Variants in ABCC4 observed in about 807,000 individuals in gnomAD.
ABCC4 encodes ATP-binding cassette sub-family C member 4.
ABCC4 carries 102 observed loss-of-function variants against 168.5 expected under a neutral mutation model. The ratio of observed to expected loss-of-function variants is 0.61; its 90% CI spans 0.52 to 0.71. ABCC4 has a LOEUF of 0.71. Ranked by LOEUF, ABCC4 falls within the 30% of genes least tolerant of loss-of-function variation. ABCC4 has a pLI of 0.00. For missense variants in ABCC4, 1,402 were observed against 1,605.8 expected (o/e 0.87, Z 2.17); for synonymous variants, 617 against 590.7 (o/e 1.04, Z -0.65).
At chr13:95,281,675 G>A (rs988146552) in intron 1 of ABCC4, among the ~76,000 whole-genome samples, 3 of 152,118 alleles carry the variant, frequency 2.0e-5, no homozygotes, top group Non-Finnish European at 4.4e-5. Context: ...ACTCCTTGGC[G>A]AGTTCAGTCT....
chr13:95,025,987 T>A (rs1469730691), intron 30 of ABCC4, among the ~76,000 whole-genome samples: 3 of 151,518 alleles, frequency 2.0e-5, no homozygotes. Context: ...GAGGCTGAGG[T>A]GGGAGGATCA....
chr13:95,180,449 A>G (rs2037854137), intron 11 of ABCC4, among the ~76,000 whole-genome samples: 1 of 152,098 alleles, frequency 6.6e-6, no homozygotes, highest in African/African-American at 2.4e-5. Context: ...GCTACTTGAG[A>G]GGCTAAGGCA....
rs192900852 is a variant in ABCC4, at chr13:95,136,695, C to T, written c.2456-20694G>A. Among the ~76,000 whole-genome samples the T allele has an allele frequency of 5.3e-3, 808 of 152,310 alleles. 5 individuals are homozygous for T. The highest frequency in any genetic ancestry group is 0.012 in the Admixed American group (178 of 15,302). On this transcript the variant is annotated intron_variant, in intron 19 of 30. Coordinates refer to ENST00000645237, the MANE Select transcript of ABCC4 (RefSeq NM_005845.5). ...AATTCCACAGCCACACATCAATTCT[C>T]CTAGTTTGAGTGGAACTCCTTTCTA...
At chr13:95,109,371 G>C (rs1444352332) in intron 20 of ABCC4, among the ~76,000 whole-genome samples, 2 of 143,734 alleles carry the variant, frequency 1.4e-5, no homozygotes, top group Non-Finnish European at 3.0e-5. Flanking sequence ...GTACATTTGA[G>C]GGTGAGCCAC....
chr13:95,274,817 C>T (rs1324361416), intron 1 of ABCC4, among the ~76,000 whole-genome samples: 5 of 152,336 alleles, frequency 3.3e-5, no homozygotes, highest in African/African-American at 4.8e-5. Context: ...TGGCTTATGC[C>T]TGTAATCCCA....
intron 20 of ABCC4, among the ~76,000 whole-genome samples, chr13:95,087,533 G>C (rs2034297925): frequency 6.6e-6 from 1 of 152,144 alleles, no homozygotes. Context: ...TAACATAACA[G>C]GTTGTGCTCC....
At chr13:95,146,393 G>A (rs571989731) in intron 19 of ABCC4, among the ~76,000 whole-genome samples, 10 of 152,126 alleles carry the variant, frequency 6.6e-5, no homozygotes, top group East Asian at 1.9e-4. Flanking sequence ...CATATGTACC[G>A]TCTGAACCAA....
At chr13:95,122,756 G>C (rs1233011026) in intron 19 of ABCC4, among the ~76,000 whole-genome samples, 3 of 152,100 alleles carry the variant, frequency 2.0e-5, no homozygotes, top group African/African-American at 7.2e-5. Flanking sequence ...TCAGGAACCT[G>C]CCACTAATGC....
At chr13:95,124,562 T>TA (rs55651091) in intron 19 of ABCC4, among the ~76,000 whole-genome samples, 21 of 121,884 alleles carry the variant, frequency 1.7e-4, no homozygotes, top group Non-Finnish European at 3.0e-4. Context: ...CCCCCTTTCT[T>TA]AAAAAAAAAA....
intron 4 of ABCC4, among the ~76,000 whole-genome samples, chr13:95,225,146 C>CTA (rs2039422113): frequency 3.1e-5 from 2 of 64,220 alleles, no homozygotes; most frequent in African/African-American, 1.7e-4. Context: ...GTCTGTCTCT[C>CTA]TCTCTCTCAC....
intron 1 of ABCC4, among the ~76,000 whole-genome samples, chr13:95,258,156 T>C (rs1469831178): frequency 6.6e-6 from 1 of 152,200 alleles, no homozygotes; most frequent in Non-Finnish European, 1.5e-5. Flanking sequence ...GCCTGCTAGC[T>C]GGCCTACCCA....
At chr13:95,131,256 T>C (rs562374405) in intron 19 of ABCC4, among the ~76,000 whole-genome samples, 2 of 152,134 alleles carry the variant, frequency 1.3e-5, no homozygotes, top group Non-Finnish European at 2.9e-5. Flanking sequence ...AGGGGAAGCA[T>C]GCCAAGGAAA....
At chr13:95,263,043 C>T (rs561173902) in intron 1 of ABCC4, among the ~76,000 whole-genome samples, 1 of 152,264 alleles carries the variant, frequency 6.6e-6, no homozygotes, top group Admixed American at 6.5e-5. Flanking sequence ...GGTGACTTCG[C>T]TGTCTAAAGT....
intron 19 of ABCC4, among the ~76,000 whole-genome samples, chr13:95,145,639 A>G (rs750207806): frequency 3.3e-5 from 5 of 151,270 alleles, no homozygotes; most frequent in Non-Finnish European, 7.4e-5. Context: ...AAAAAGAGAC[A>G]CATGCACTTG....
intron 20 of ABCC4, among the ~76,000 whole-genome samples, chr13:95,098,863 G>T (rs1264841989): frequency 3.9e-5 from 6 of 152,066 alleles, no homozygotes; most frequent in African/African-American, 9.7e-5. Flanking sequence ...AAAACAAAAA[G>T]ATTGATCATA....
intron 8 of ABCC4, among the ~76,000 whole-genome samples, chr13:95,198,536 GAAAGAC>G (rs2038527773): frequency 6.6e-6 from 1 of 152,160 alleles, no homozygotes; most frequent in Non-Finnish European, 1.5e-5. Flanking sequence ...CAACCACTGT[GAAAGAC>G]AACGTGGCAA....
chr13:95,075,620 C>T (rs545606818), intron 21 of ABCC4, 69 bp from the exon 22 acceptor site: 539 of 1,601,334 alleles, frequency 3.4e-4, no homozygotes, highest in Non-Finnish European at 4.3e-4. Context: ...CTCCCAAGCT[C>T]CATGGTCACG....
chr13:95,256,744 T>A (rs570420012), intron 1 of ABCC4, among the ~76,000 whole-genome samples: 1 of 151,004 alleles, frequency 6.6e-6, no homozygotes, highest in Non-Finnish European at 1.5e-5. Context: ...GGTGACAGAG[T>A]GAGACCCTGT....
intron 20 of ABCC4, among the ~76,000 whole-genome samples, chr13:95,109,940 C>T (rs1469325801): frequency 1.3e-5 from 2 of 151,960 alleles, no homozygotes; most frequent in African/African-American, 4.8e-5. Flanking sequence ...TCCACCTCTG[C>T]ATACTCAGCA....
Sources: gnomAD v4.1 joint callset for allele counts (sites outside exome capture counted in the v4.1 genomes callset) on GRCh38, gnomAD v4.1.1 for gene constraint, MANE v1.5 for transcripts, NCBI Gene and HGNC (gene_info 2026-07-23, HGNC 2026-07-21) for gene names.